The following EYS variants were observed in gnomAD, a reference collection of about 807,000 sequenced individuals.
The protein encoded by EYS is protein eyes shut homolog.
Under a neutral mutation model 282.1 loss-of-function variants are expected in EYS, and 250 were observed. The observed-to-expected ratio is 0.89, with a 90% CI of 0.80 to 0.98. The LOEUF is 0.98. Ranked by LOEUF, EYS falls within the 50% of genes least tolerant of loss-of-function variation. The pLI is 0.00. For synonymous variants in EYS, 1,355 were observed against 1,282.9 expected (o/e 1.06, Z -1.20); for missense variants, 4,016 against 3,709.0 (o/e 1.08, Z -2.15).
chr6:65,554,029 T>C (rs1768697355), intron 2 of EYS, among the ~76,000 whole-genome samples: 1 of 152,110 alleles, frequency 6.6e-6, no homozygotes, highest in African/African-American at 2.4e-5. Flanking sequence ...GGCTCTGCCT[T>C]TATGAGAGAA....
intron 35 of EYS, among the ~76,000 whole-genome samples, chr6:63,974,371 A>G (rs910369997): frequency 1.3e-5 from 2 of 152,096 alleles, no homozygotes; most frequent in Non-Finnish European, 2.9e-5. Flanking sequence ...AGTCAAAAAA[A>G]CATATTACCA....
chr6:63,812,984 A>AT (rs1329455244), intron 36 of EYS, among the ~76,000 whole-genome samples: 3 of 152,030 alleles, frequency 2.0e-5, no homozygotes, highest in African/African-American at 7.2e-5. Context: ...TTTATTTTTT[A>AT]TTTTTTTATT....
At chr6:65,629,755 C>T (rs1766847811) in intron 2 of EYS, among the ~76,000 whole-genome samples, 1 of 152,128 alleles carries the variant, frequency 6.6e-6, no homozygotes, top group Non-Finnish European at 1.5e-5. Flanking sequence ...CTGCTGCAAC[C>T]TGATGTCTTG....
intron 29 of EYS, among the ~76,000 whole-genome samples, chr6:64,326,886 C>G (rs1231226450): frequency 6.6e-6 from 1 of 152,120 alleles, no homozygotes; most frequent in Admixed American, 6.6e-5. Context: ...CCCATAAAGA[C>G]AGAAGGGGAG....
In EYS at chr6:64,201,365, TAGTG is replaced by T. The variant is rs572145717; in HGVS notation, c.6424+29223_6424+29226del. Among the ~76,000 whole-genome samples the T allele has an allele frequency of 1.1e-4, 16 of 152,218 alleles. No individual in the cohort carries two copies. In the East Asian group the frequency reaches 3.1e-3, roughly 29 times the overall value. On this transcript the variant is annotated intron_variant, in intron 31 of 42. Coordinates refer to ENST00000503581, the MANE Select transcript of EYS (RefSeq NM_001142800.2). ...CAAATGAATCATATGTGGGGCAAAA[TAGTG>T]AGCTATTATTCAATATGTTGGGGCT...
chr6:64,460,460 T>C (rs1435135883), intron 26 of EYS, among the ~76,000 whole-genome samples: 2 of 152,210 alleles, frequency 1.3e-5, no homozygotes, highest in Non-Finnish European at 1.5e-5. Flanking sequence ...TTAACACACA[T>C]TGGAAAATCT....
chr6:64,942,454 A>G (rs1769120413), intron 15 of EYS, among the ~76,000 whole-genome samples: 1 of 144,196 alleles, frequency 6.9e-6, no homozygotes, highest in African/African-American at 2.6e-5. Flanking sequence ...AGCATAAACA[A>G]GATTGATAAA....
At chr6:64,547,326 T>G (rs1013315377) in intron 26 of EYS, among the ~76,000 whole-genome samples, 1 of 152,146 alleles carries the variant, frequency 6.6e-6, no homozygotes, top group African/African-American at 2.4e-5. Flanking sequence ...GAGAGCCGAC[T>G]GCTCCATTTT....
intron 12 of EYS, among the ~76,000 whole-genome samples, chr6:65,124,990 A>T (rs928790131): frequency 1.3e-5 from 2 of 152,184 alleles, no homozygotes; most frequent in African/African-American, 4.8e-5. Context: ...TCAATCTGTT[A>T]AAATCTCCGT....
intron 26 of EYS, among the ~76,000 whole-genome samples, chr6:64,543,855 A>G (rs1471960325): frequency 1.3e-5 from 2 of 152,190 alleles, no homozygotes; most frequent in African/African-American, 4.8e-5. Context: ...ACTAAAGTCT[A>G]GAGAGGCTAA....
At chr6:65,116,075 A>G (rs1477652467) in intron 12 of EYS, among the ~76,000 whole-genome samples, 2 of 152,124 alleles carry the variant, frequency 1.3e-5, no homozygotes, top group South Asian at 2.1e-4. Flanking sequence ...TAGATAGTAG[A>G]CAACACTAAA....
At chr6:65,046,180 G>C (rs891996080) in intron 13 of EYS, among the ~76,000 whole-genome samples, 1 of 151,692 alleles carries the variant, frequency 6.6e-6, no homozygotes, top group African/African-American at 2.4e-5. Context: ...ACTCCTCTTA[G>C]GCTACAGAGC....
chr6:64,012,797 G>T (rs1252404588), intron 33 of EYS, among the ~76,000 whole-genome samples: 2 of 152,052 alleles, frequency 1.3e-5, no homozygotes, highest in African/African-American at 4.8e-5. Flanking sequence ...AAAGGATCAC[G>T]CATAAAAGCC....
rs1768656510 is a variant in EYS at position 65,296,081 on chromosome 6, A to G, written c.1805T>C (p.Val602Ala). The change falls in exon 12 of 43, where the codon GTT becomes GCT. Residue 602 changes from valine to alanine, a missense_variant. Physicochemically the swap from Val to Ala is moderately conservative, Grantham distance 64. Coordinates refer to ENST00000503581, the MANE Select transcript of EYS (RefSeq NM_001142800.2). The part of the protein sequence containing the change: ...CSLSYIGRLC[V>A]VNVDYCLGNH... ...CCCTAAGCAATAGTCAACATTGACA[A>G]CACACAATCTGCCAATGTAACTAAG... is the stretch of plus-strand genomic sequence containing the variant. 2 of 1,550,096 alleles carry G rather than the reference A, an allele frequency of 1.3e-6. No homozygotes were observed. Among genetic ancestry groups the G allele is most frequent in the Non-Finnish European group, 1.7e-6 (2 of 1,146,136 alleles).
intron 29 of EYS, among the ~76,000 whole-genome samples, chr6:64,316,942 T>C (rs1769992731): frequency 6.6e-6 from 1 of 152,078 alleles, no homozygotes; most frequent in Non-Finnish European, 1.5e-5. Flanking sequence ...TTGACAAACC[T>C]GATAAAAACA....
intron 2 of EYS, among the ~76,000 whole-genome samples, chr6:65,554,097 T>C (rs1382647107): frequency 6.6e-6 from 1 of 152,128 alleles, no homozygotes; most frequent in Non-Finnish European, 1.5e-5. Flanking sequence ...AAGACGGCAA[T>C]TGGCAATCTG....
At chr6:64,692,664 G>T (rs1416837044) in intron 22 of EYS, among the ~76,000 whole-genome samples, 1 of 152,054 alleles carries the variant, frequency 6.6e-6, no homozygotes, top group East Asian at 1.9e-4. Flanking sequence ...GGTAATTTTT[G>T]AATATGCTGA....
chr6:64,547,876 G>T (rs1350927573), intron 26 of EYS, among the ~76,000 whole-genome samples: 1 of 152,222 alleles, frequency 6.6e-6, no homozygotes, highest in Non-Finnish European at 1.5e-5. Context: ...CTGCAAGGAG[G>T]CAGCTAAGGC....
chr6:63,730,845 C>A (rs1484065519), intron 41 of EYS, among the ~76,000 whole-genome samples: 1 of 152,012 alleles, frequency 6.6e-6, no homozygotes, highest in Non-Finnish European at 1.5e-5. Flanking sequence ...CATGATGAAA[C>A]CCCGTCTCTA....
Sources: gnomAD v4.1 joint callset for allele counts (sites outside exome capture counted in the v4.1 genomes callset) on GRCh38, gnomAD v4.1.1 for gene constraint, MANE v1.5 for transcripts, NCBI Gene and HGNC (gene_info 2026-07-23, HGNC 2026-07-21) for gene names.